VPS54: variants seen among roughly 807,000 people sequenced by gnomAD.
VPS54 encodes the protein vacuolar protein sorting-associated protein 54.
In VPS54, 45 loss-of-function variants were observed where a neutral mutation model predicts 121.5. The observed-to-expected ratio is 0.37, with a 90% CI of 0.29 to 0.47. The LOEUF (loss-of-function observed/expected upper bound fraction) is 0.47, where lower values mean the gene tolerates loss of function less well. Ranked by LOEUF, VPS54 falls within the 20% of genes least tolerant of loss-of-function variation. The pLI is 0.99. For synonymous variants in VPS54, 371 were observed against 385.8 expected, an observed-to-expected ratio of 0.96 and a Z score of 0.45; for missense variants, 1,090 against 1,131.4, an observed-to-expected ratio of 0.96 and a Z score of 0.52.
rs915399197 is a variant in VPS54, at chr2:63,949,025, T to TAA, written c.1137+10_1137+11dup. ...AATGGCATCAACTTCATTCCACAGT[T>TAA]AAAACACATACCTCTTCTAAAACTT... On this transcript the variant is annotated intron_variant, in intron 8 of 22. Transcript: ENST00000272322. 5 of 1,609,118 alleles carry TAA rather than the reference T, an allele frequency of 3.1e-6. No individual in the cohort carries two copies. The African/African-American group carries it at 5.4e-5, about 17-fold the overall frequency.
chr2:63,957,199 T>C (rs1319497687), intron 7 of VPS54, among the ~76,000 whole-genome samples: 3 of 152,084 alleles, frequency 2.0e-5, no homozygotes, highest in East Asian at 1.9e-4. Flanking sequence ...TCCCAGCACT[T>C]TGGGAGGCCA....
At chr2:63,990,356 G>A (rs36123537) in intron 1 of VPS54, among the ~76,000 whole-genome samples, 23,767 of 151,978 alleles carry the variant, frequency 0.16, 2,094 homozygotes, top group Middle Eastern at 0.22. Context: ...GACCATATAC[G>A]CTAATTCTTC....
chr2:63,899,062 A>G (rs1385871441), intron 21 of VPS54, among the ~76,000 whole-genome samples: 1 of 152,178 alleles, frequency 6.6e-6, no homozygotes, highest in African/African-American at 2.4e-5. Flanking sequence ...AGTTAATTAT[A>G]TGTGTTAATC....
At chr2:63,971,453 TCA>T (rs1331314719) in intron 4 of VPS54, among the ~76,000 whole-genome samples, 2 of 152,230 alleles carry the variant, frequency 1.3e-5, no homozygotes, top group African/African-American at 4.8e-5. Context: ...TGCCTATGCT[TCA>T]GTCTCATCTC....
At chr2:63,969,065 G>C (rs1322482579) in intron 4 of VPS54, 74 bp from the exon 5 acceptor site, 3 of 1,267,086 alleles carry the variant, frequency 2.4e-6, no homozygotes, top group Admixed American at 4.1e-5. Context: ...CATTTTGACA[G>C]ATTCAGTATT....
At chr2:63,914,390 A>G (rs1673286213) in intron 16 of VPS54, 103 bp from the exon 17 acceptor site, 1 of 751,290 alleles carries the variant, frequency 1.3e-6, no homozygotes, top group Admixed American at 2.5e-5. Context: ...AGGATCTCTG[A>G]GAATATAATG....
Position 63,949,033 on chromosome 2 carries a change from A to C in VPS54, c.1137+4T>G. 6.2e-7 allele frequency: 1 copy of C among 1,610,360 alleles called. No individual in the cohort carries two copies. The highest frequency in any genetic ancestry group is 8.5e-7 in the Non-Finnish European group (1 of 1,178,794). On this transcript the variant is annotated splice_donor_region_variant and intron_variant, in intron 8 of 22. Coordinates refer to ENST00000272322, the MANE Select transcript of VPS54 (RefSeq NM_016516.3). ...CAACTTCATTCCACAGTTAAAACAC[A>C]TACCTCTTCTAAAACTTGACAGTCA...
intron 20 of VPS54, among the ~76,000 whole-genome samples, chr2:63,907,416 G>A (rs1372171918): frequency 6.6e-6 from 1 of 151,720 alleles, no homozygotes. Flanking sequence ...TACTCAAGAG[G>A]CTGAGGCAGA....
rs150560536 is a variant in VPS54, at chr2:63,954,809, T to C, written c.1011-5646A>G. Among the ~76,000 whole-genome samples, 5 of 152,112 alleles carry C rather than the reference T, an allele frequency of 3.3e-5. No individual in the cohort carries two copies. In the East Asian group the frequency reaches 9.6e-4, roughly 29 times the overall value. On this transcript the variant is annotated intron_variant, in intron 7 of 22. Coordinates refer to ENST00000272322, the MANE Select transcript of VPS54 (RefSeq NM_016516.3). ...AAATAACATGCTAAACATGGAAACA[T>C]AGTTTACAAAATCCAAACTATGGGA... is the stretch of plus-strand genomic sequence containing the variant.
chr2:63,897,760 C>T (rs1379050827), intron 21 of VPS54, among the ~76,000 whole-genome samples, 170 bp from the exon 22 acceptor site: 1 of 152,138 alleles, frequency 6.6e-6, no homozygotes, highest in Non-Finnish European at 1.5e-5. Context: ...TACATTTTTT[C>T]TCCTTAGTTG....
intron 7 of VPS54, among the ~76,000 whole-genome samples, chr2:63,953,434 C>T (rs1329964922): frequency 6.6e-6 from 1 of 152,028 alleles, no homozygotes; most frequent in Non-Finnish European, 1.5e-5. Context: ...TACCCAGCCA[C>T]CCCTAGGAAA....
rs150635007 is a variant in VPS54, at chr2:63,970,212, TAC to T, written c.458-1223_458-1222del. On this transcript the variant is annotated intron_variant, in intron 4 of 22. Coordinates refer to ENST00000272322, the MANE Select transcript of VPS54 (RefSeq NM_016516.3). ...TTCCCATTAAAAAAAAATATATATA[TAC>T]ACACACACACACACACACACACATT... is the stretch of plus-strand genomic sequence containing the variant. Among the ~76,000 whole-genome samples, 495 of 113,672 alleles carry T rather than the reference TAC, an allele frequency of 4.4e-3. 7 individuals carry two copies. The highest frequency in any genetic ancestry group is 0.024 in the East Asian group (96 of 3,934). The allele number at this position is 113,672 out of a possible 152,430, so 74.6% of individuals were successfully genotyped here. A position where few individuals can be genotyped will look rare whatever the true frequency, so the allele number is the denominator to read the frequency against.
At chr2:63,920,671 ATTGAG>A (rs748405477) in intron 13 of VPS54, 44 bp from the exon 14 acceptor site, 3 of 1,230,292 alleles carry the variant, frequency 2.4e-6, no homozygotes, top group Non-Finnish European at 2.1e-6. Context: ...GTAACACCAA[ATTGAG>A]TTATGAAACC....
intron 12 of VPS54, among the ~76,000 whole-genome samples, chr2:63,922,591 G>C (rs980545001): frequency 2.6e-5 from 4 of 152,122 alleles, no homozygotes; most frequent in African/African-American, 4.8e-5. Flanking sequence ...CTATGGAGGA[G>C]AACACTGAAT....
chr2:63,982,238 T>C (rs1464550678), intron 2 of VPS54, among the ~76,000 whole-genome samples: 1 of 152,192 alleles, frequency 6.6e-6, no homozygotes, highest in Non-Finnish European at 1.5e-5. Flanking sequence ...CTATTATGTA[T>C]TTTCTATCCT....
chr2:64,008,752 A>G (rs1678287405), intron 1 of VPS54, among the ~76,000 whole-genome samples: 1 of 152,210 alleles, frequency 6.6e-6, no homozygotes, highest in Admixed American at 6.5e-5. Context: ...ATGTAAAAAT[A>G]CGCTATCAAT....
intron 1 of VPS54, among the ~76,000 whole-genome samples, chr2:64,005,421 C>T (rs768800584): frequency 2.0e-5 from 3 of 152,134 alleles, no homozygotes; most frequent in Admixed American, 6.5e-5. Context: ...CTTCTTAATA[C>T]GAATCTAGTA....
intron 12 of VPS54, among the ~76,000 whole-genome samples, chr2:63,928,231 A>T (rs1054764895): frequency 2.0e-5 from 3 of 152,228 alleles, no homozygotes; most frequent in African/African-American, 7.2e-5. Context: ...CAAGGGTGAA[A>T]TGAAGGAAAA....
At chr2:63,972,826 C>T (rs1450037071) in intron 3 of VPS54, among the ~76,000 whole-genome samples, 3 of 151,162 alleles carry the variant, frequency 2.0e-5, no homozygotes, top group Admixed American at 6.6e-5. Flanking sequence ...TGCAGTGAAC[C>T]GAGATCATGC....
Sources: allele counts gnomAD v4.1 joint callset (sites outside exome capture counted in the v4.1 genomes callset), GRCh38; gene constraint gnomAD v4.1.1; transcripts MANE v1.5; gene names NCBI Gene and HGNC (gene_info 2026-07-23, HGNC 2026-07-21).